The following CEP162 variants were observed in gnomAD, a reference collection of about 807,000 sequenced individuals.
CEP162 encodes centrosomal protein 162.
A neutral mutation model predicts 169.2 loss-of-function variants in CEP162; 141 were observed. That is an observed-to-expected ratio of 0.83 (90% CI 0.73 to 0.96). The LOEUF is 0.96. Among genes scored for constraint, CEP162 ranks in the 40% least tolerant of loss-of-function variants. The pLI is 0.00. For synonymous variants in CEP162, 540 were observed against 526.4 expected, an observed-to-expected ratio of 1.03 and a Z score of -0.35; for missense variants, 1,600 against 1,587.2, an observed-to-expected ratio of 1.01 and a Z score of -0.14.
chr6:84,189,287 G>GC (rs1194866418), intron 11 of CEP162, among the ~76,000 whole-genome samples: 2 of 152,260 alleles, frequency 1.3e-5, no homozygotes, highest in Non-Finnish European at 2.9e-5. Flanking sequence ...GAGCCCTTCA[G>GC]CCCCCCACTG....
At chr6:84,213,223 T>C (rs538874233) in intron 5 of CEP162, among the ~76,000 whole-genome samples, 199 bp from the exon 6 acceptor site, 24 of 152,308 alleles carry the variant, frequency 1.6e-4, no homozygotes, top group Admixed American at 1.2e-3. Flanking sequence ...ATTTGATTAA[T>C]TGCAGTTTAA....
intron 25 of CEP162, among the ~76,000 whole-genome samples, chr6:84,127,775 A>C (rs1424502093): frequency 6.6e-6 from 1 of 152,132 alleles, no homozygotes; most frequent in East Asian, 1.9e-4. Context: ...TTTCTGAATG[A>C]AACAGTCAAG....
intron 21 of CEP162, 157 bp from the exon 22 acceptor site, chr6:84,155,667 A>G: frequency 3.4e-6 from 2 of 588,180 alleles, no homozygotes; most frequent in Non-Finnish European, 6.0e-6. Flanking sequence ...ACCTAGGAAT[A>G]TATTTAACCA....
At chr6:84,174,255 T>A in intron 15 of CEP162, 67 bp from the exon 16 acceptor site, 1 of 1,294,534 alleles carries the variant, frequency 7.7e-7, no homozygotes, top group Non-Finnish European at 1.1e-6. Flanking sequence ...TGAGAAAGAA[T>A]AACAGGAAAC....
intron 8 of CEP162, among the ~76,000 whole-genome samples, chr6:84,201,209 T>C (rs1588863001): frequency 6.6e-6 from 1 of 151,828 alleles, no homozygotes. Flanking sequence ...ACCTGGGAGG[T>C]GGAGCTTGCA....
chr6:84,189,054 G>A (rs1210290332), intron 11 of CEP162, among the ~76,000 whole-genome samples: 1 of 151,698 alleles, frequency 6.6e-6, no homozygotes, highest in East Asian at 1.9e-4. Context: ...TCATGTCCTT[G>A]CCCACTTTTT....
At chr6:84,163,053 T>C (rs2099526409) in intron 19 of CEP162, 91 bp downstream of exon 19, 1 of 1,248,210 alleles carries the variant, frequency 8.0e-7, no homozygotes, top group Admixed American at 2.2e-5. Flanking sequence ...AGGAGTAGCA[T>C]TTTGATTATA....
chr6:84,145,371 T>A lies in CEP162; in HGVS notation c.3870+1316A>T, dbSNP rs115607926. On this transcript the variant is annotated intron_variant, in intron 25 of 26. Coordinates refer to ENST00000403245, the MANE Select transcript of CEP162 (RefSeq NM_014895.4). The stretch of plus-strand genomic sequence containing the variant: ...CAAAACAGACTTATAAAAGAGCCTA[T>A]ATGATTAATCACTATTCTTGCTGCA... Among the ~76,000 whole-genome samples the A allele has an allele frequency of 4.6e-3, 705 of 152,286 alleles. 8 individuals carry two copies. The highest frequency in any genetic ancestry group is 0.016 in the African/African-American group (672 of 41,566).
At chr6:84,161,142 T>C (rs1027874444) in intron 20 of CEP162, among the ~76,000 whole-genome samples, 2 of 152,132 alleles carry the variant, frequency 1.3e-5, no homozygotes, top group African/African-American at 4.8e-5. Context: ...GCTCCCAAGA[T>C]GCTTATGCTC....
At position 84,193,692 on chromosome 6, in the gene CEP162, TAA is replaced by T; in HGVS notation, c.1028-4_1028-3del. 1 of 1,546,090 alleles carries T rather than the reference TAA, an allele frequency of 6.5e-7. No individual in the cohort carries two copies. Among genetic ancestry groups the T allele is most frequent in the Non-Finnish European group, 8.7e-7 (1 of 1,144,712 alleles). ...TCAGCTCCTCTACTGTGGGCAGATC[TAA>T]GAGGTGGAAAAAAAAGTAGAAACGA... On this transcript the variant is annotated splice_polypyrimidine_tract_variant and splice_region_variant and intron_variant, in intron 10 of 26. Transcript: ENST00000403245.
rs70987776 is a variant in CEP162 at position 84,202,518 on chromosome 6, C to CTT, written c.688-753_688-752dup. 1.2e-3 allele frequency among the ~76,000 whole-genome samples: 110 copies of CTT among 90,730 alleles called. 3 individuals carry two copies. The highest frequency in any genetic ancestry group is 1.9e-3 in the African/African-American group (33 of 17,194). The allele number at this position is 90,730 out of a possible 152,430, so 59.5% of individuals were successfully genotyped here. ...CATTTTTCTTTTCTTTTCTTTCTTT[C>CTT]TTTTTTTTTTTTTTTTTTTTTTTTT... On this transcript the variant is annotated intron_variant, in intron 7 of 26. Transcript: ENST00000403245.
chr6:84,190,078 G>A (rs1181534398), intron 11 of CEP162, among the ~76,000 whole-genome samples: 1 of 151,906 alleles, frequency 6.6e-6, no homozygotes, highest in Non-Finnish European at 1.5e-5. Context: ...TAGCTGCTCT[G>A]GTGAGGACGT....
Position 84,185,229 on chromosome 6 carries a change from T to C in CEP162, c.1621A>G (p.Asn541Asp), listed in dbSNP as rs1404908681. The part of the protein sequence containing the change: ...KTSEDIIKSK[N>D]LRSISTSNQP... ...TTGGAGGTAGAAATCGATCTCAAGT[T>C]TTTGCTTTTTATAATGTCCTCTGAA... The change falls in exon 13 of 27, where the codon AAC becomes GAC. Residue 541 changes from asparagine to aspartate, a missense_variant. Transcript: ENST00000403245. 1.4e-5 allele frequency: 23 copies of C among 1,613,046 alleles called. No individual in the cohort carries two copies. The highest frequency in any genetic ancestry group is 1.1e-4 in the African/African-American group (8 of 74,840).
intron 9 of CEP162, among the ~76,000 whole-genome samples, chr6:84,198,932 A>G (rs527595314): frequency 6.6e-6 from 1 of 152,334 alleles, no homozygotes; most frequent in South Asian, 2.1e-4. Flanking sequence ...ACACAAATGT[A>G]CCATTTATGT....
chr6:84,208,583 C>T (rs541849907), intron 6 of CEP162, among the ~76,000 whole-genome samples: 1 of 152,288 alleles, frequency 6.6e-6, no homozygotes, highest in Admixed American at 6.5e-5. Flanking sequence ...GGGAGTGAAA[C>T]AGGGATGCTT....
intron 13 of CEP162, among the ~76,000 whole-genome samples, chr6:84,181,126 A>T (rs1053441363): frequency 6.8e-6 from 1 of 146,702 alleles, no homozygotes; most frequent in Non-Finnish European, 1.5e-5. Flanking sequence ...ACAGTAACCA[A>T]AACAGCATGG....
intron 3 of CEP162, among the ~76,000 whole-genome samples, chr6:84,216,979 G>C (rs1307847113): frequency 6.6e-6 from 1 of 152,088 alleles, no homozygotes; most frequent in Admixed American, 6.5e-5. Flanking sequence ...TGTAGCAAAG[G>C]TTCTGAGTAT....
chr6:84,138,939 A>T (rs963180628), intron 25 of CEP162, among the ~76,000 whole-genome samples: 7 of 152,236 alleles, frequency 4.6e-5, no homozygotes, highest in African/African-American at 1.7e-4. Flanking sequence ...ACACTTGCGT[A>T]ATTGTAGAGT....
intron 9 of CEP162, among the ~76,000 whole-genome samples, chr6:84,198,390 G>A (rs2099543037): frequency 2.0e-5 from 3 of 152,216 alleles, no homozygotes; most frequent in Admixed American, 1.3e-4. Context: ...CGATTCTCCT[G>A]CCTCAGCCTT....
Sources: allele counts gnomAD v4.1 joint callset (sites outside exome capture counted in the v4.1 genomes callset), GRCh38; gene constraint gnomAD v4.1.1; transcripts MANE v1.5; gene names NCBI Gene and HGNC (gene_info 2026-07-23, HGNC 2026-07-21).